The following UNC80 variants were observed in gnomAD, a reference collection of about 807,000 sequenced individuals.
UNC80 encodes the protein protein unc-80 homolog.
A neutral mutation model predicts 384.6 loss-of-function variants in UNC80; 164 were observed. That is an observed-to-expected ratio of 0.43 (90% CI 0.38 to 0.49). The LOEUF (loss-of-function observed/expected upper bound fraction) is 0.49, where lower values mean the gene tolerates loss of function less well. Ranked by LOEUF, UNC80 falls within the 20% of genes least tolerant of loss-of-function variation. UNC80 has a pLI of 0.00. For synonymous variants in UNC80, 1,486 were observed against 1,527.8 expected (o/e 0.97, Z 0.64); for missense variants, 3,330 against 4,143.0 (o/e 0.80, Z 5.39).
intron 6 of UNC80, among the ~76,000 whole-genome samples, chr2:209,791,953 A>G (rs1225483499): frequency 6.6e-6 from 1 of 152,090 alleles, no homozygotes; most frequent in East Asian, 1.9e-4. Flanking sequence ...CACTTGAAAT[A>G]CAGCTAGTCT....
At chr2:209,814,200 C>T (rs1435464331) in intron 8 of UNC80, among the ~76,000 whole-genome samples, 1 of 151,684 alleles carries the variant, frequency 6.6e-6, no homozygotes, top group Non-Finnish European at 1.5e-5. Context: ...TTTTACTAAA[C>T]GTGATGTAAC....
chr2:209,815,268 G>T lies in UNC80; in HGVS notation c.1212G>T (p.Met404Ile). Residue 404 changes from methionine (M) to isoleucine (I), a missense_variant, in exon 9 of 65, where the codon ATG becomes ATT. This residue lies in a region of UNC80 where 937 missense variants were observed against 1,026.8 expected (regional missense o/e 0.91). Coordinates refer to ENST00000673920, the MANE Select transcript of UNC80 (RefSeq NM_001371986.1). ...CTACCTTTATTAAGGATCTCACCAT[G>T]AAGTGTAACGAGGAGGAAAAATCTC... Reference protein sequence around the residue: ...VNTHKTQDLTMKCNEEEKSLS... With the variant: ...VNTHKTQDLTIKCNEEEKSLS... The T allele has an allele frequency of 6.4e-7, 1 of 1,551,604 alleles. No homozygotes were observed. Among genetic ancestry groups the T allele is most frequent in the South Asian group, 1.2e-5 (1 of 84,052 alleles).
rs977887378 is a variant in UNC80 at position 209,851,631 on chromosome 2, A to G, written c.3627+2008A>G. Among the ~76,000 whole-genome samples the G allele has an allele frequency of 4.6e-5, 7 of 152,078 alleles. No individual in the cohort carries two copies. The East Asian group carries it at 5.8e-4, about 13-fold the overall frequency. On this transcript the variant is annotated intron_variant, in intron 22 of 64. Transcript: ENST00000673920. Reference sequence around the variant, plus strand: ...CTGCACCTATTTTTCCCTTTTTCCAATGAAGATTGTGTTTGTATAGTGATT... The same window carrying G: ...CTGCACCTATTTTTCCCTTTTTCCAGTGAAGATTGTGTTTGTATAGTGATT...
intron 61 of UNC80, among the ~76,000 whole-genome samples, chr2:209,987,430 T>C (rs1490348686): frequency 2.0e-5 from 3 of 152,208 alleles, no homozygotes; most frequent in African/African-American, 7.2e-5. Context: ...TCATATTCCA[T>C]GGGAGAATTC....
At position 209,842,365 on chromosome 2, in the gene UNC80, G is replaced by C. The variant is rs1360787915; in HGVS notation, c.3373G>C (p.Ala1125Pro). The change falls in exon 21 of 65, where the codon GCT becomes CCT. Residue 1125 changes from alanine to proline, a missense_variant. By Grantham distance (27) the Ala-to-Pro change is conservative (BLOSUM62 -1). Around this residue, in one of 8 missense-constraint regions of UNC80, gnomAD observed 801 missense variants for 950.8 expected, o/e 0.84. Coordinates refer to ENST00000673920, the MANE Select transcript of UNC80 (RefSeq NM_001371986.1). ...RQSSKVKFTS[A>P]VKLSEGGPGS... ...CTTTTTTCAGGTCAAATTCACTAGTGCTGTGAAGCTTTCTGAAGGTGGGCC... is the reference window on the plus strand; with the variant it reads ...CTTTTTTCAGGTCAAATTCACTAGTCCTGTGAAGCTTTCTGAAGGTGGGCC... 2 of 1,549,654 alleles carry C rather than the reference G, an allele frequency of 1.3e-6. No individual in the cohort carries two copies. Among genetic ancestry groups the C allele is most frequent in the Middle Eastern group, 1.7e-4 (1 of 5,984 alleles).
At chr2:209,798,977 C>G (rs949824056) in intron 7 of UNC80, among the ~76,000 whole-genome samples, 1 of 150,890 alleles carries the variant, frequency 6.6e-6, no homozygotes, top group African/African-American at 2.4e-5. Flanking sequence ...ATCCACCGTG[C>G]CCAGCCTATG....
intron 5 of UNC80, among the ~76,000 whole-genome samples, chr2:209,788,604 A>G (rs1326337948): frequency 6.8e-6 from 1 of 147,792 alleles, no homozygotes; most frequent in Non-Finnish European, 1.5e-5. Context: ...AAATAAAAGT[A>G]AAATAAATAT....
intron 7 of UNC80, among the ~76,000 whole-genome samples, chr2:209,798,869 A>G (rs986045751): frequency 1.4e-5 from 2 of 138,082 alleles, no homozygotes; most frequent in South Asian, 2.3e-4. Flanking sequence ...TTTTCTTAGT[A>G]GAGACAGGGT....
intron 45 of UNC80, among the ~76,000 whole-genome samples, chr2:209,944,351 T>A (rs1400410206): frequency 6.6e-6 from 1 of 152,222 alleles, no homozygotes; most frequent in Non-Finnish European, 1.5e-5. Flanking sequence ...TATCACATGT[T>A]ATATCTATTT....
Position 209,772,184 on chromosome 2 carries a change from C to T in UNC80, c.92+20C>T. 1.3e-6 allele frequency: 2 copies of T among 1,522,596 alleles called. No homozygotes were observed. The highest frequency in any genetic ancestry group is 1.8e-6 in the Non-Finnish European group (2 of 1,131,456). 94.3% of individuals were successfully genotyped at this position (1,522,596 alleles called of 1,614,324 possible). On this transcript the variant is annotated intron_variant, in intron 1 of 64. Coordinates refer to ENST00000673920, the MANE Select transcript of UNC80 (RefSeq NM_001371986.1). The stretch of plus-strand genomic sequence containing the variant: ...AACCAGGTGAGGGGCGCAGAGGGCG[C>T]ACCGCGGGCCGCCCTGGGCTGGGGG...
intron 29 of UNC80, among the ~76,000 whole-genome samples, chr2:209,906,701 AACT>A (rs1010259188): frequency 6.6e-6 from 1 of 152,182 alleles, no homozygotes; most frequent in African/African-American, 2.4e-5. Flanking sequence ...GGTACAAATA[AACT>A]ACTAAATAAT....
intron 27 of UNC80, among the ~76,000 whole-genome samples, chr2:209,895,598 G>T (rs2086728834): frequency 6.6e-6 from 1 of 152,064 alleles, no homozygotes; most frequent in Admixed American, 6.5e-5. Context: ...TATTTAAATT[G>T]ATCGATTTAT....
Position 209,978,629 on chromosome 2 carries a change from T to C in UNC80, c.9039T>C (p.Thr3013=). ...CCCGCTCTAACACGGGCACGGGCACTGTCTGGGAGCAGGACAGTGAGCCAT... is the reference window on the plus strand; with the variant it reads ...CCCGCTCTAACACGGGCACGGGCACCGTCTGGGAGCAGGACAGTGAGCCAT... The part of the protein sequence containing the change: ...TMSRSNTGTG[T]VWEQDSEPSQ... The change falls in exon 59 of 65, where the codon ACT becomes ACC. Residue 3013 remains threonine, a synonymous_variant. Coordinates refer to ENST00000673920, the MANE Select transcript of UNC80 (RefSeq NM_001371986.1). 1.3e-6 allele frequency: 2 copies of C among 1,551,616 alleles called. No homozygotes were observed. The highest frequency in any genetic ancestry group is 8.7e-7 in the Non-Finnish European group (1 of 1,146,906).
At position 209,829,260 on chromosome 2, in the gene UNC80, A is replaced by T; in HGVS notation, c.2507A>T (p.Lys836Met). The change falls in exon 15 of 65, where the codon AAG (lysine) becomes ATG (methionine). Residue 836 changes from lysine to methionine, a missense_variant. Physicochemically the swap from Lys to Met is moderately conservative, Grantham distance 95. Coordinates refer to ENST00000673920, the MANE Select transcript of UNC80 (RefSeq NM_001371986.1). ...NAQNCLTKLY[K>M]LDKMQFRQTM... is the part of the protein sequence containing the mutation. Reference sequence around the variant, plus strand: ...CAGAACTGCCTCACTAAGCTATACAAGCTAGATAAGATGCAGTTCCGACAA... The same window carrying T: ...CAGAACTGCCTCACTAAGCTATACATGCTAGATAAGATGCAGTTCCGACAA... 1 of 1,551,400 alleles carries T rather than the reference A, an allele frequency of 6.4e-7. No individual in the cohort carries two copies. The highest frequency in any genetic ancestry group is 8.7e-7 in the Non-Finnish European group (1 of 1,146,772).
intron 15 of UNC80, among the ~76,000 whole-genome samples, chr2:209,830,451 A>G (rs2080870976): frequency 6.6e-6 from 1 of 152,184 alleles, no homozygotes; most frequent in African/African-American, 2.4e-5. Flanking sequence ...ATAAGCATAG[A>G]CTAACAGAAA....
In UNC80 at chr2:209,917,912, A is replaced by T; in HGVS notation, c.5165A>T (p.Tyr1722Phe). 6.4e-7 allele frequency: 1 copy of T among 1,551,728 alleles called. No homozygotes were observed. The highest frequency in any genetic ancestry group is 8.7e-7 in the Non-Finnish European group (1 of 1,146,988). ...TTCCACACGCTCTGGAGGTTTCGCT[A>T]TCAGGTCTGGCCCCGGATGGAGGAA... ...LKFHTLWRFRYQVWPRMEEGA... is the reference protein window; with the variant it reads ...LKFHTLWRFRFQVWPRMEEGA... Residue 1722 changes from tyrosine (Y) to phenylalanine (F), a missense_variant, in exon 32 of 65, where the codon TAT (tyrosine) becomes TTT (phenylalanine). By Grantham distance (22) the Tyr-to-Phe change is conservative. This residue lies in a region of UNC80 where 801 missense variants were observed against 950.8 expected (regional missense o/e 0.84). Coordinates refer to ENST00000673920, the MANE Select transcript of UNC80 (RefSeq NM_001371986.1).
intron 21 of UNC80, among the ~76,000 whole-genome samples, chr2:209,842,928 C>CTGAAG (rs1165861805): frequency 6.6e-6 from 1 of 152,150 alleles, no homozygotes; most frequent in Non-Finnish European, 1.5e-5. Context: ...CATACTTATC[C>CTGAAG]ACAAATTTGC....
At chr2:209,955,543 G>T (rs1248571720) in intron 48 of UNC80, among the ~76,000 whole-genome samples, 1 of 150,892 alleles carries the variant, frequency 6.6e-6, no homozygotes, top group Non-Finnish European at 1.5e-5. Context: ...TATTGCTGAT[G>T]GTTTCATGAA....
chr2:209,955,736 T>TAC (rs1334701986), intron 48 of UNC80, among the ~76,000 whole-genome samples: 148 of 61,340 alleles, frequency 2.4e-3, no homozygotes, highest in Non-Finnish European at 3.1e-3. Context: ...TATATATATA[T>TAC]ATACACACAC....
Sources: allele counts gnomAD v4.1 joint callset (sites outside exome capture counted in the v4.1 genomes callset), GRCh38; gene constraint gnomAD v4.1.1; regional missense constraint gnomAD v4.1.1; transcripts MANE v1.5; gene names NCBI Gene and HGNC (gene_info 2026-07-23, HGNC 2026-07-21).